Variants in BPTF observed in about 807,000 individuals in gnomAD.
BPTF encodes the protein bromodomain PHD finger transcription factor.
In BPTF, 18 loss-of-function variants were observed where a neutral mutation model predicts 292.5. The observed-to-expected ratio is 0.06, with a 90% CI of 0.04 to 0.09. The LOEUF (loss-of-function observed/expected upper bound fraction) is 0.09. Ranked by LOEUF, BPTF falls within the 10% of genes least tolerant of loss-of-function variation. The probability of loss-of-function intolerance (pLI) is 1.00; values close to 1 mark genes in which losing one functional copy is unlikely to be tolerated. For missense variants in BPTF, 2,726 were observed against 3,498.7 expected (o/e 0.78, Z 5.57); for synonymous variants, 1,225 against 1,251.9 (o/e 0.98, Z 0.45).
At chr17:67,877,664 G>T (rs1004088160) in intron 4 of BPTF, among the ~76,000 whole-genome samples, 1 of 151,908 alleles carries the variant, frequency 6.6e-6, no homozygotes, top group African/African-American at 2.4e-5. Flanking sequence ...TTTCACCCAG[G>T]CTGGAGTACA....
intron 26 of BPTF, among the ~76,000 whole-genome samples, chr17:67,972,923 T>C (rs2068925718): frequency 6.6e-6 from 1 of 151,694 alleles, no homozygotes; most frequent in Non-Finnish European, 1.5e-5. Context: ...AGTCTTGGAA[T>C]CCAACTCTGT....
intron 11 of BPTF, among the ~76,000 whole-genome samples, chr17:67,917,131 C>CCTTTCTTTTT (rs2063065953): frequency 9.5e-6 from 1 of 105,808 alleles, no homozygotes; most frequent in African/African-American, 3.6e-5. Context: ...TGGTATTGTC[C>CCTTTCTTTTT]TTTTTTTTTT....
chr17:67,875,312 T>C (rs1414703039), intron 4 of BPTF, among the ~76,000 whole-genome samples: 3 of 152,168 alleles, frequency 2.0e-5, no homozygotes, highest in African/African-American at 2.4e-5. Context: ...GTATACACTT[T>C]TGTATGTGAT....
chr17:67,917,131 C>CCTTTTTTTTTTTTTTTTTTTTTT lies in BPTF; in HGVS notation c.5304-1583_5304-1582insCTTTTTTTTTTTTTTTTTTTTTT, dbSNP rs2063065953. On this transcript the variant is annotated intron_variant, in intron 11 of 27. Coordinates refer to ENST00000306378, the MANE Select transcript of BPTF (RefSeq NM_182641.4). Reference sequence around the variant, plus strand: ...GATAAGTAACTAATATGGTATTGTCCTTTTTTTTTTTTTTTTTTTGAGATA... The same window carrying CCTTTTTTTTTTTTTTTTTTTTTT: ...GATAAGTAACTAATATGGTATTGTCCCTTTTTTTTTTTTTTTTTTTTTTTTTTTTTTTTTTTTTTTTTGAGATA... Among the ~76,000 whole-genome samples, 50 of 105,772 alleles carry CCTTTTTTTTTTTTTTTTTTTTTT rather than the reference C, an allele frequency of 4.7e-4. 1 individual carries two copies. Among genetic ancestry groups the CCTTTTTTTTTTTTTTTTTTTTTT allele is most frequent in the African/African-American group, 1.8e-3 (50 of 27,620 alleles). 69.4% of individuals were successfully genotyped at this position (105,772 alleles called of 152,430 possible).
intron 24 of BPTF, 51 bp downstream of exon 24, chr17:67,959,926 T>A: frequency 2.2e-6 from 3 of 1,335,144 alleles, no homozygotes; most frequent in Non-Finnish European, 3.1e-6. Flanking sequence ...GTTTAGCTAT[T>A]AAATTGGATT....
intron 1 of BPTF, among the ~76,000 whole-genome samples, chr17:67,842,499 A>G (rs937197716): frequency 1.3e-5 from 2 of 152,160 alleles, no homozygotes; most frequent in Non-Finnish European, 2.9e-5. Flanking sequence ...TCTAAACTCC[A>G]GTTATGTATT....
At chr17:67,889,356 C>T (rs745403758) in intron 4 of BPTF, among the ~76,000 whole-genome samples, 30 of 152,160 alleles carry the variant, frequency 2.0e-4, no homozygotes, top group Admixed American at 1.8e-3. Context: ...GGATTGTTGG[C>T]TCTGAATTAG....
At chr17:67,902,244 T>C (rs548348351) in intron 7 of BPTF, among the ~76,000 whole-genome samples, 1 of 152,336 alleles carries the variant, frequency 6.6e-6, no homozygotes, top group South Asian at 2.1e-4. Context: ...GTCACTGCGC[T>C]GAAGTCCTTC....
intron 14 of BPTF, among the ~76,000 whole-genome samples, chr17:67,923,999 G>T (rs1038883848): frequency 3.3e-5 from 5 of 150,142 alleles, no homozygotes; most frequent in Non-Finnish European, 7.4e-5. Flanking sequence ...GTGCCACCAC[G>T]CCTGGCTGTT....
intron 15 of BPTF, among the ~76,000 whole-genome samples, chr17:67,926,284 C>T (rs1446712260): frequency 1.4e-5 from 2 of 146,970 alleles, no homozygotes; most frequent in Non-Finnish European, 3.0e-5. Flanking sequence ...GCTGAGATAG[C>T]GAGCACCACT....
Position 67,917,131 on chromosome 17 carries a change from C to CTTTTCCTTTCTTTTTT in BPTF, c.5304-1579_5304-1578insCCTTTCTTTTTTTTTT, listed in dbSNP as rs1194058584. 1.5e-3 allele frequency among the ~76,000 whole-genome samples: 154 copies of CTTTTCCTTTCTTTTTT among 105,776 alleles called. 8 individuals carry two copies. Among genetic ancestry groups the CTTTTCCTTTCTTTTTT allele is most frequent in the African/African-American group, 5.2e-3 (143 of 27,624 alleles). 69.4% of individuals were successfully genotyped at this position (105,776 alleles called of 152,430 possible). A position where few individuals can be genotyped will look rare whatever the true frequency, so the allele number is the denominator to read the frequency against. On this transcript the variant is annotated intron_variant, in intron 11 of 27. Coordinates refer to ENST00000306378, the MANE Select transcript of BPTF (RefSeq NM_182641.4). The stretch of plus-strand genomic sequence containing the variant: ...GATAAGTAACTAATATGGTATTGTC[C>CTTTTCCTTTCTTTTTT]TTTTTTTTTTTTTTTTTTTGAGATA...
chr17:67,887,193 T>C (rs2060807453), intron 4 of BPTF, among the ~76,000 whole-genome samples: 1 of 152,236 alleles, frequency 6.6e-6, no homozygotes, highest in Admixed American at 6.5e-5. Context: ...GTATACAAAT[T>C]TACATATTCT....
At chr17:67,892,432 A>G (rs1054261668) in intron 5 of BPTF, among the ~76,000 whole-genome samples, 4 of 152,230 alleles carry the variant, frequency 2.6e-5, no homozygotes, top group African/African-American at 9.6e-5. Flanking sequence ...ACCTGCAGCT[A>G]ATTAGAGGAT....
At chr17:67,844,070 CTTTTTTTTTTTT>C (rs35407119) in intron 1 of BPTF, among the ~76,000 whole-genome samples, 6 of 94,348 alleles carry the variant, frequency 6.4e-5, no homozygotes, top group African/African-American at 1.9e-4. Flanking sequence ...CGGCCCCCGC[CTTTTTTTTTTTT>C]TTTTTTTTTT....
At chr17:67,920,846 T>A (rs2063382559) in intron 13 of BPTF, among the ~76,000 whole-genome samples, 1 of 151,988 alleles carries the variant, frequency 6.6e-6, no homozygotes, top group African/African-American at 2.4e-5. Flanking sequence ...GTATCCAGAT[T>A]GAAAATATAT....
intron 1 of BPTF, among the ~76,000 whole-genome samples, chr17:67,833,727 C>T (rs2056912692): frequency 6.6e-6 from 1 of 151,944 alleles, no homozygotes; most frequent in African/African-American, 2.4e-5. Context: ...TGCCACCATG[C>T]CTGGCTAATT....
intron 23 of BPTF, 37 bp from the exon 24 acceptor site, chr17:67,959,504 C>T: frequency 6.9e-7 from 1 of 1,452,932 alleles, no homozygotes; most frequent in Non-Finnish European, 9.2e-7. Flanking sequence ...TTACATGACT[C>T]TAATGATAGT....
At chr17:67,870,992 C>T (rs547963515) in intron 3 of BPTF, among the ~76,000 whole-genome samples, 188 of 151,650 alleles carry the variant, frequency 1.2e-3, no homozygotes, top group Non-Finnish European at 2.2e-3. Context: ...AGGATGGTCT[C>T]GATCTCCTGA....
chr17:67,924,483 T>C (rs1467069883), intron 14 of BPTF, 64 bp from the exon 15 acceptor site: 1 of 1,484,450 alleles, frequency 6.7e-7, no homozygotes, highest in Non-Finnish European at 9.3e-7. Context: ...CAGATTTCAC[T>C]CTTATTAGAT....
Sources: allele counts gnomAD v4.1 joint callset (sites outside exome capture counted in the v4.1 genomes callset), GRCh38; gene constraint gnomAD v4.1.1; transcripts MANE v1.5; gene names NCBI Gene and HGNC (gene_info 2026-07-23, HGNC 2026-07-21).